The following DPYD variants were observed in gnomAD, a reference collection of about 807,000 sequenced individuals.
DPYD encodes dihydropyrimidine dehydrogenase [NADP(+)].
Under a neutral mutation model 116.2 loss-of-function variants are expected in DPYD, and 109 were observed. The ratio of observed to expected loss-of-function variants is 0.94; its 90% CI spans 0.80 to 1.10. The LOEUF (loss-of-function observed/expected upper bound fraction) is 1.10. Ranked by LOEUF, DPYD falls within the 50% of genes least tolerant of loss-of-function variation. The pLI, the probability that DPYD is intolerant of heterozygous loss-of-function variation, is 0.00. For synonymous variants in DPYD, 440 were observed against 432.0 expected (o/e 1.02, Z -0.23); for missense variants, 1,302 against 1,254.5 (o/e 1.04, Z -0.57).
intron 1 of DPYD, among the ~76,000 whole-genome samples, chr1:97,895,086 CT>C (rs531180123): frequency 6.1e-4 from 93 of 151,822 alleles, no homozygotes; most frequent in African/African-American, 1.3e-3. Flanking sequence ...AGCATTTATA[CT>C]TTTTTTCATT....
intron 12 of DPYD, among the ~76,000 whole-genome samples, chr1:97,535,046 T>C (rs1010687511): frequency 6.6e-6 from 1 of 152,066 alleles, no homozygotes; most frequent in African/African-American, 2.4e-5. Context: ...CTCAGAGACA[T>C]AAGTGAGAAA....
intron 2 of DPYD, among the ~76,000 whole-genome samples, chr1:97,864,652 T>A (rs886209914): frequency 6.6e-6 from 1 of 151,832 alleles, no homozygotes; most frequent in African/African-American, 2.4e-5. Context: ...ATAGTGAGGA[T>A]GGCGACTCGA....
At chr1:97,481,284 C>T (rs11165880) in intron 13 of DPYD, among the ~76,000 whole-genome samples, 124,230 of 152,066 alleles carry the variant, frequency 0.82, 51,067 homozygotes, top group Non-Finnish European at 0.87. Flanking sequence ...TTTTAAAAGA[C>T]TGATAACATC....
chr1:97,874,954 T>C (rs1671834902), intron 2 of DPYD, among the ~76,000 whole-genome samples: 1 of 151,902 alleles, frequency 6.6e-6, no homozygotes, highest in African/African-American at 2.4e-5. Flanking sequence ...GAATCTTAAT[T>C]CCAGAGATGT....
intron 20 of DPYD, among the ~76,000 whole-genome samples, chr1:97,124,986 G>C (rs1652724182): frequency 6.6e-6 from 1 of 152,084 alleles, no homozygotes; most frequent in African/African-American, 2.4e-5. Flanking sequence ...CATCTGGAGG[G>C]ACTGAATTAA....
At chr1:97,731,483 G>T (rs1032122929) in intron 4 of DPYD, among the ~76,000 whole-genome samples, 1 of 152,054 alleles carries the variant, frequency 6.6e-6, no homozygotes, top group Middle Eastern at 3.4e-3. Context: ...CAACATTCAA[G>T]ACGTTAATAG....
intron 19 of DPYD, among the ~76,000 whole-genome samples, chr1:97,226,954 T>C (rs2100715297): frequency 6.6e-6 from 1 of 152,228 alleles, no homozygotes; most frequent in Middle Eastern, 3.4e-3. Context: ...AATAAGATCA[T>C]AGAAATAAAC....
chr1:97,491,257 T>C (rs999521239), intron 13 of DPYD, among the ~76,000 whole-genome samples: 7 of 148,752 alleles, frequency 4.7e-5, no homozygotes, highest in African/African-American at 1.7e-4. Flanking sequence ...GATATAATAA[T>C]AATATGAATA....
chr1:97,475,349 T>G (rs753886825), intron 13 of DPYD, among the ~76,000 whole-genome samples: 1 of 152,160 alleles, frequency 6.6e-6, no homozygotes, highest in Non-Finnish European at 1.5e-5. Flanking sequence ...AAACATATGT[T>G]AACACATGCC....
intron 8 of DPYD, among the ~76,000 whole-genome samples, chr1:97,646,818 G>A (rs753896820): frequency 6.6e-6 from 1 of 152,048 alleles, no homozygotes. Context: ...CTGCCACAGG[G>A]ATAGGACACT....
rs1026383666 is a variant in DPYD at position 97,267,905 on chromosome 1, T to C, written c.2300-32911A>G. Among the ~76,000 whole-genome samples, 7 of 152,206 alleles carry C rather than the reference T, an allele frequency of 4.6e-5. No individual in the cohort carries two copies. In the Middle Eastern group the frequency reaches 0.014, roughly 296 times the overall value. ...ACTCCTAAGTCCAAAGTCCAGAGTG[T>C]CATGAAAGTCAGATATGGGGGAAAC... is the stretch of plus-strand genomic sequence containing the variant. On this transcript the variant is annotated intron_variant, in intron 18 of 22. Coordinates refer to ENST00000370192, the MANE Select transcript of DPYD (RefSeq NM_000110.4).
At chr1:97,191,373 A>G (rs147068283) in intron 20 of DPYD, among the ~76,000 whole-genome samples, 1 of 152,248 alleles carries the variant, frequency 6.6e-6, no homozygotes, top group Non-Finnish European at 1.5e-5. Flanking sequence ...CAAATCTATT[A>G]CCAGACCATC....
intron 12 of DPYD, among the ~76,000 whole-genome samples, chr1:97,519,954 ATTATT>A (rs894251485): frequency 3.3e-5 from 5 of 152,118 alleles, no homozygotes; most frequent in Admixed American, 3.3e-4. Flanking sequence ...AAAAAATATA[ATTATT>A]TTAATTAATT....
intron 13 of DPYD, among the ~76,000 whole-genome samples, chr1:97,507,449 T>C (rs1006472070): frequency 3.0e-4 from 45 of 152,010 alleles, no homozygotes; most frequent in Non-Finnish European, 1.0e-4. Flanking sequence ...TGTTAATTTA[T>C]TGTTTCATAG....
chr1:97,322,580 A>G (rs1346031060), intron 16 of DPYD: 1 of 152,024 alleles, frequency 6.6e-6, no homozygotes, highest in African/African-American at 2.4e-5. Context: ...TTTATCTAAA[A>G]TCTTTAGCAA....
chr1:97,905,707 T>A (rs979879700), intron 1 of DPYD, among the ~76,000 whole-genome samples: 4 of 152,024 alleles, frequency 2.6e-5, no homozygotes, highest in Admixed American at 2.6e-4. Flanking sequence ...TTTACACATG[T>A]GAAGGACTCC....
intron 8 of DPYD, among the ~76,000 whole-genome samples, chr1:97,609,423 T>C (rs949963633): frequency 2.6e-5 from 4 of 151,998 alleles, no homozygotes; most frequent in Non-Finnish European, 5.9e-5. Flanking sequence ...CTAACTGTCT[T>C]AAATATAGGC....
intron 4 of DPYD, among the ~76,000 whole-genome samples, chr1:97,729,199 C>G (rs978827463): frequency 1.3e-5 from 2 of 152,068 alleles, no homozygotes; most frequent in Admixed American, 6.6e-5. Context: ...CAGGCACATA[C>G]AAGCACGTGC....
intron 8 of DPYD, among the ~76,000 whole-genome samples, chr1:97,633,524 A>C (rs529044981): frequency 1.7e-3 from 253 of 152,194 alleles, no homozygotes; most frequent in Non-Finnish European, 2.9e-3. Context: ...CCAAATCATC[A>C]ACGATTTTAG....
Sources: allele counts gnomAD v4.1 joint callset (sites outside exome capture counted in the v4.1 genomes callset), GRCh38; gene constraint gnomAD v4.1.1; transcripts MANE v1.5; gene names NCBI Gene and HGNC (gene_info 2026-07-23, HGNC 2026-07-21).